Variants in CACNA1H observed in about 807,000 individuals in gnomAD.
The protein encoded by CACNA1H is calcium voltage-gated channel subunit alpha1 H, also known as voltage-dependent T-type calcium channel subunit alpha-1H.
A neutral mutation model predicts 192.5 loss-of-function variants in CACNA1H; 149 were observed. That is an observed-to-expected ratio of 0.77 (90% CI 0.68 to 0.89). The LOEUF is 0.89. Ranked by LOEUF, CACNA1H falls within the 40% of genes least tolerant of loss-of-function variation. The pLI is 0.00. For missense variants in CACNA1H, 4,257 were observed against 3,423.5 expected, an observed-to-expected ratio of 1.24 and a Z score of -6.08; for synonymous variants, 2,202 against 1,475.2, an observed-to-expected ratio of 1.49 and a Z score of -11.29.
rs374339990 is a variant in CACNA1H, at chr16:1,204,077, G to T, written c.2070G>T (p.Ala690=). 1 of 1,605,572 alleles carries T rather than the reference G, an allele frequency of 6.2e-7. No individual in the cohort carries two copies. The highest frequency in any genetic ancestry group is 8.5e-7 in the Non-Finnish European group (1 of 1,176,804). ...CCTGCCCCCTGCCCAGCCCCCCAGCGGGCACACTGACCTGTGAGCTGAAGA... is the reference window on the plus strand; with the variant it reads ...CCTGCCCCCTGCCCAGCCCCCCAGCTGGCACACTGACCTGTGAGCTGAAGA... ...SVPCPLPSPP[A]GTLTCELKSC... Residue 690 remains alanine, a synonymous_variant, in exon 10 of 35, where the codon GCG becomes GCT. Coordinates refer to ENST00000348261, the MANE Select transcript of CACNA1H (RefSeq NM_021098.3).
At chr16:1,154,752 G>A (rs1041074175) in intron 2 of CACNA1H, among the ~76,000 whole-genome samples, 2 of 152,314 alleles carry the variant, frequency 1.3e-5, no homozygotes, top group African/African-American at 4.8e-5. Context: ...TTCTACTCTC[G>A]GCCAGAGCGG....
rs749721667 is a variant in CACNA1H at position 1,210,892 on chromosome 16, G to A, written c.4144G>A (p.Ala1382Thr). Residue 1382 changes from alanine to threonine, a missense_variant, in exon 21 of 35, where the codon GCC (alanine) becomes ACC (threonine). Coordinates refer to ENST00000348261, the MANE Select transcript of CACNA1H (RefSeq NM_021098.3). ...VLVSLVDIVV[A>T]MASAGGAKIL... ...GGTGTCCCTGGTGGACATTGTCGTG[G>A]CCATGGCCTCGGCTGGTGGCGCCAA... 1 of 1,605,086 alleles carries A rather than the reference G, an allele frequency of 6.2e-7. No individual in the cohort carries two copies.
chr16:1,161,511 C>T (rs1320216212), intron 2 of CACNA1H, among the ~76,000 whole-genome samples: 1 of 152,196 alleles, frequency 6.6e-6, no homozygotes, highest in East Asian at 1.9e-4. Context: ...ATGTTAAAGA[C>T]TCAGCCTCAA....
In CACNA1H at chr16:1,195,141, C is replaced by T. The variant is rs576768460; in HGVS notation, c.411+58C>T. 1.4e-4 allele frequency: 125 copies of T among 890,830 alleles called. No individual in the cohort carries two copies. In the African/African-American group the frequency reaches 2.0e-3, roughly 14 times the overall value. The allele number at this position is 890,830 out of a possible 1,614,324, so 55.2% of individuals were successfully genotyped here. ...GTGGGTCGCTACGAGGTTTATGGTT[C>T]AAGGCGGAGTGGGGCGGGGGCGGGG... is the stretch of plus-strand genomic sequence containing the variant. On this transcript the variant is annotated intron_variant, in intron 3 of 34. Coordinates refer to ENST00000348261, the MANE Select transcript of CACNA1H (RefSeq NM_021098.3).
At chr16:1,164,904 GC>G (rs1963603524) in intron 2 of CACNA1H, among the ~76,000 whole-genome samples, 1 of 152,190 alleles carries the variant, frequency 6.6e-6, no homozygotes, top group Admixed American at 6.5e-5. Flanking sequence ...GGGTCGAGTC[GC>G]CCCTTTTGCT....
intron 5 of CACNA1H, among the ~76,000 whole-genome samples, chr16:1,198,056 T>C (rs1026188698): frequency 2.6e-5 from 4 of 152,168 alleles, no homozygotes; most frequent in Admixed American, 6.5e-5. Flanking sequence ...GGATTCTCAC[T>C]GGGAATCAGA....
rs185727342 is a variant in CACNA1H, at chr16:1,167,192, C to T, written c.299+13156C>T. ...CCATCGGGAAATGGCAGCCCCTGAC[C>T]TGCCCCGTGGGGATGAAACGGGCTC... On this transcript the variant is annotated intron_variant, in intron 2 of 34. Coordinates refer to ENST00000348261, the MANE Select transcript of CACNA1H (RefSeq NM_021098.3). The surrounding 1 kb of genome is among the most constrained non-coding windows in gnomAD (Gnocchi z 4.2). Among the ~76,000 whole-genome samples the T allele has an allele frequency of 4.5e-3, 690 of 152,334 alleles. 7 individuals are homozygous for T. The highest frequency in any genetic ancestry group is 0.015 in the South Asian group (71 of 4,830).
At chr16:1,162,326 G>C (rs1378080800) in intron 2 of CACNA1H, among the ~76,000 whole-genome samples, 1 of 152,140 alleles carries the variant, frequency 6.6e-6, no homozygotes, top group Non-Finnish European at 1.5e-5. Flanking sequence ...CAGGTGCCTG[G>C]GGGAGGCCCC....
At chr16:1,218,697 A>G in intron 33 of CACNA1H, 46 bp downstream of exon 33, 2 of 905,628 alleles carry the variant, frequency 2.2e-6, no homozygotes, top group Non-Finnish European at 3.1e-6. Flanking sequence ...GAAGCAGGAC[A>G]GGGAGGAAGA....
chr16:1,220,638 G>A lies in CACNA1H; in HGVS notation c.6706G>A (p.Glu2236Lys). The stretch of plus-strand genomic sequence containing the variant: ...TCACAGGGACTCCCTGGAGCCCACA[G>A]AGGGCTCAGGCGCCGGGGGGGACCC... ...TPHRDSLEPT[E>K]GSGAGGDPAA... The change falls in exon 35 of 35, where the codon GAG becomes AAG. Residue 2236 changes from glutamate to lysine, a missense_variant. Glu to Lys is a moderately conservative substitution (Grantham distance 56). Transcript: ENST00000348261. 1 of 1,601,210 alleles carries A rather than the reference G, an allele frequency of 6.2e-7. No individual in the cohort carries two copies. Among genetic ancestry groups the A allele is most frequent in the East Asian group, 2.2e-5 (1 of 44,526 alleles).
chr16:1,193,997 G>C (rs896577754), intron 2 of CACNA1H, among the ~76,000 whole-genome samples: 2 of 152,160 alleles, frequency 1.3e-5, no homozygotes, highest in Non-Finnish European at 2.9e-5. Context: ...TAGTGAGCGT[G>C]GCCCGTGTTG....
intron 8 of CACNA1H, among the ~76,000 whole-genome samples, 189 bp from the exon 9 acceptor site, chr16:1,201,474 A>C (rs2141252455): frequency 6.6e-6 from 1 of 152,280 alleles, no homozygotes; most frequent in Non-Finnish European, 1.5e-5. Context: ...CAAAGCAGCT[A>C]CTGTATGCCG....
rs542369345 is a variant in CACNA1H at position 1,198,558 on chromosome 16, C to T, written c.644-57C>T. On this transcript the variant is annotated intron_variant, in intron 5 of 34. Coordinates refer to ENST00000348261, the MANE Select transcript of CACNA1H (RefSeq NM_021098.3). ...TCGGGGGTCCCGGGAGGGGCTGCAG[C>T]CCCGAGGACACTCCTGCAGGGCTTA... 3.8e-6 allele frequency: 6 copies of T among 1,590,878 alleles called. No homozygotes were observed. In the African/African-American group the frequency reaches 4.0e-5, roughly 11 times the overall value.
intron 12 of CACNA1H, 158 bp from the exon 13 acceptor site, chr16:1,206,843 G>A: frequency 1.7e-6 from 1 of 578,342 alleles, no homozygotes; most frequent in East Asian, 2.8e-5. Context: ...TTAAGCTAGA[G>A]AGCTCGGGCG....
chr16:1,155,815 C>T (rs1962286071), intron 2 of CACNA1H, among the ~76,000 whole-genome samples: 1 of 152,154 alleles, frequency 6.6e-6, no homozygotes, highest in Non-Finnish European at 1.5e-5. Flanking sequence ...GCTGGGTGGC[C>T]TCATGCAGGT....
intron 27 of CACNA1H, among the ~76,000 whole-genome samples, 168 bp downstream of exon 27, chr16:1,214,099 C>T (rs1036778257): frequency 2.0e-5 from 3 of 151,934 alleles, no homozygotes; most frequent in Admixed American, 6.5e-5. Flanking sequence ...GATTGAAACT[C>T]CCCTCCCCCT....
chr16:1,194,944 C>T (rs961680736), intron 2 of CACNA1H, 28 bp from the exon 3 acceptor site: 7 of 1,548,550 alleles, frequency 4.5e-6, no homozygotes, highest in African/African-American at 1.4e-5. Flanking sequence ...CGGGCCGCGC[C>T]GGTGTGCTCC....
At chr16:1,201,573 C>G in intron 8 of CACNA1H, 90 bp from the exon 9 acceptor site, 2 of 1,433,004 alleles carry the variant, frequency 1.4e-6, no homozygotes, top group Non-Finnish European at 1.9e-6. Flanking sequence ...TGACGCGGCC[C>G]CCACTCGAAC....
intron 11 of CACNA1H, among the ~76,000 whole-genome samples, chr16:1,205,583 C>G (rs1968596762): frequency 6.6e-6 from 1 of 152,202 alleles, no homozygotes. Context: ...GGCCTCAGGG[C>G]CGAGCGAGAA....
Sources: allele counts gnomAD v4.1 joint callset (sites outside exome capture counted in the v4.1 genomes callset), GRCh38; gene constraint gnomAD v4.1.1; non-coding constraint Gnocchi (gnomAD v3.1); transcripts MANE v1.5; gene names NCBI Gene and HGNC (gene_info 2026-07-23, HGNC 2026-07-21).